The following CHKA variants were observed in gnomAD, a reference collection of about 807,000 sequenced individuals.
CHKA encodes choline kinase alpha.
A neutral mutation model predicts 60.1 loss-of-function variants in CHKA; 34 were observed. The observed-to-expected ratio is 0.57, with a 90% CI of 0.43 to 0.75. CHKA has a LOEUF of 0.75. Ranked by LOEUF, CHKA falls within the 30% of genes least tolerant of loss-of-function variation. The pLI, the probability that CHKA is intolerant of heterozygous loss-of-function variation, is 0.00. For missense variants in CHKA, 563 were observed against 561.3 expected, an observed-to-expected ratio of 1.00 and a Z score of -0.03; for synonymous variants, 217 against 223.1, an observed-to-expected ratio of 0.97 and a Z score of 0.24.
intron 11 of CHKA, among the ~76,000 whole-genome samples, chr11:68,054,990 C>G (rs775163838): frequency 2.6e-5 from 4 of 152,248 alleles, no homozygotes; most frequent in Non-Finnish European, 5.9e-5. Flanking sequence ...TGCACTGGTG[C>G]CACCTTCCTT....
chr11:68,113,977 G>A (rs948863454), intron 1 of CHKA, among the ~76,000 whole-genome samples: 13 of 152,002 alleles, frequency 8.6e-5, no homozygotes, highest in Admixed American at 7.9e-4. Flanking sequence ...GGCAACAAGA[G>A]TGAAACTCTG....
Position 68,053,927 on chromosome 11 carries a change from A to G in CHKA, c.*61T>C. On this transcript the variant is annotated 3_prime_UTR_variant, in exon 12 of 12. Transcript: ENST00000265689. ...GAGCAGTAGTCGAAGCACAGAGGGG[A>G]CCCCGCTCTGCTGCCTCCCCATGCA... 2 of 1,470,498 alleles carry G rather than the reference A, an allele frequency of 1.4e-6. No homozygotes were observed. The highest frequency in any genetic ancestry group is 1.9e-6 in the Non-Finnish European group (2 of 1,055,652). 91.1% of individuals were successfully genotyped at this position (1,470,498 alleles called of 1,614,324 possible).
At chr11:68,065,419 G>C (rs919767318) in intron 9 of CHKA, among the ~76,000 whole-genome samples, 1 of 152,182 alleles carries the variant, frequency 6.6e-6, no homozygotes, top group Non-Finnish European at 1.5e-5. Flanking sequence ...GAAGATGTAG[G>C]CCAGGCATGG....
At chr11:68,099,587 G>C (rs534922484) in intron 1 of CHKA, among the ~76,000 whole-genome samples, 224 of 152,284 alleles carry the variant, frequency 1.5e-3, no homozygotes, top group African/African-American at 5.0e-3. Context: ...GAAGCAGGCC[G>C]ACAGCGTGTA....
intron 4 of CHKA, among the ~76,000 whole-genome samples, chr11:68,071,147 A>T (rs1856604622): frequency 6.6e-6 from 1 of 152,188 alleles, no homozygotes; most frequent in African/African-American, 2.4e-5. Flanking sequence ...ACTATCATCT[A>T]TTATTCTGGC....
chr11:68,063,033 T>C (rs897162732), intron 10 of CHKA, among the ~76,000 whole-genome samples: 4 of 152,230 alleles, frequency 2.6e-5, no homozygotes. Context: ...GGACAAATAG[T>C]GGTCTAGACC....
intron 1 of CHKA, among the ~76,000 whole-genome samples, chr11:68,114,019 G>A (rs112114066): frequency 3.3e-5 from 5 of 152,090 alleles, no homozygotes; most frequent in African/African-American, 1.2e-4. Context: ...AAAAGAAAAT[G>A]AGAGACCATT....
chr11:68,119,539 G>A (rs1858523117), intron 1 of CHKA, among the ~76,000 whole-genome samples: 1 of 152,072 alleles, frequency 6.6e-6, no homozygotes, highest in Admixed American at 6.6e-5. Flanking sequence ...GCGTGATCTC[G>A]GCTCACTGCA....
chr11:68,103,002 G>A (rs1050838662), intron 1 of CHKA, among the ~76,000 whole-genome samples: 1 of 152,004 alleles, frequency 6.6e-6, no homozygotes, highest in Non-Finnish European at 1.5e-5. Flanking sequence ...TGCCCTAAAT[G>A]GTGGCGTGTG....
At chr11:68,090,673 A>G (rs1199560483) in intron 2 of CHKA, among the ~76,000 whole-genome samples, 2 of 152,230 alleles carry the variant, frequency 1.3e-5, no homozygotes, top group African/African-American at 2.4e-5. Context: ...TTGCTAATAC[A>G]TATCTGCGTT....
In CHKA at chr11:68,117,520, C is replaced by T. The variant is rs746830322; in HGVS notation, c.350+3308G>A. 3.3e-5 allele frequency among the ~76,000 whole-genome samples: 5 copies of T among 152,166 alleles called. No homozygotes were observed. In the South Asian group the frequency reaches 1.0e-3, roughly 32 times the overall value. On this transcript the variant is annotated intron_variant, in intron 1 of 11. Transcript: ENST00000265689. ...CCTGGTCAATATGGTGAAACCCTATCTCTACCAAAAATACAAAAATTAGCC... is the reference window on the plus strand; with the variant it reads ...CCTGGTCAATATGGTGAAACCCTATTTCTACCAAAAATACAAAAATTAGCC...
intron 10 of CHKA, among the ~76,000 whole-genome samples, chr11:68,062,527 T>C (rs1856287529): frequency 6.6e-6 from 1 of 152,046 alleles, no homozygotes; most frequent in South Asian, 2.1e-4. Flanking sequence ...CACACAGAAG[T>C]GAAAAGAGCA....
chr11:68,101,376 T>C (rs1009527471), intron 1 of CHKA, among the ~76,000 whole-genome samples: 1 of 152,150 alleles, frequency 6.6e-6, no homozygotes, highest in Non-Finnish European at 1.5e-5. Context: ...AGTTAAATTA[T>C]CCCTGTTTGC....
chr11:68,100,542 A>T (rs554625155), intron 1 of CHKA, among the ~76,000 whole-genome samples: 1 of 152,198 alleles, frequency 6.6e-6, no homozygotes, highest in East Asian at 1.9e-4. Context: ...GTGAGCCGAG[A>T]TTGTGCCATT....
Position 68,053,979 on chromosome 11 carries a change from T to C in CHKA, c.*9A>G. The C allele has an allele frequency of 6.2e-7, 1 of 1,612,790 alleles. No individual in the cohort carries two copies. Among genetic ancestry groups the C allele is most frequent in the Non-Finnish European group, 8.5e-7 (1 of 1,179,242 alleles). On this transcript the variant is annotated 3_prime_UTR_variant, in exon 12 of 12. Transcript: ENST00000265689. The stretch of plus-strand genomic sequence containing the variant: ...TCCAGTGATGAGGTGGATGGAGTCC[T>C]CCCCACAGTCACACCCCAAGCTTCC...
chr11:68,059,312 C>T (rs1856137029), intron 11 of CHKA, among the ~76,000 whole-genome samples: 1 of 152,120 alleles, frequency 6.6e-6, no homozygotes, highest in Admixed American at 6.5e-5. Flanking sequence ...CCTGTGGTCC[C>T]TGAGATAATC....
chr11:68,066,586 G>A (rs770649219), intron 7 of CHKA, 70 bp from the exon 8 acceptor site: 107 of 1,182,442 alleles, frequency 9.0e-5, no homozygotes, highest in African/African-American at 3.0e-4. Context: ...CAGCAGAGCC[G>A]AGAGAATGGA....
chr11:68,096,998 C>A, intron 2 of CHKA, 21 bp downstream of exon 2: 1 of 1,574,122 alleles, frequency 6.4e-7, no homozygotes. Context: ...CCCCCCCTCC[C>A]AAAGTAGCCT....
At chr11:68,108,810 C>T (rs752411324) in intron 1 of CHKA, among the ~76,000 whole-genome samples, 2 of 152,150 alleles carry the variant, frequency 1.3e-5, no homozygotes, top group Non-Finnish European at 2.9e-5. Flanking sequence ...CCGGCAGATA[C>T]AGAGAATCAC....
Sources: gnomAD v4.1 joint callset for allele counts (sites outside exome capture counted in the v4.1 genomes callset) on GRCh38, gnomAD v4.1.1 for gene constraint, MANE v1.5 for transcripts, NCBI Gene and HGNC (gene_info 2026-07-23, HGNC 2026-07-21) for gene names.